The following TBXAS1 variants were observed in gnomAD, a reference collection of about 807,000 sequenced individuals.
The protein encoded by TBXAS1 is thromboxane-A synthase.
TBXAS1 carries 48 observed loss-of-function variants against 60.7 expected under a neutral mutation model. That is an observed-to-expected ratio of 0.79 (90% confidence interval 0.63 to 1.01). TBXAS1 has a LOEUF of 1.01. TBXAS1 is among the 50% of genes least tolerant of loss of function. TBXAS1 has a pLI of 0.00. For missense variants in TBXAS1, 685 were observed against 686.3 expected (o/e 1.00, Z 0.02); for synonymous variants, 287 against 269.7 (o/e 1.06, Z -0.63).
At chr7:139,982,786 G>A (rs1166595349) in intron 9 of TBXAS1, among the ~76,000 whole-genome samples, 1 of 152,152 alleles carries the variant, frequency 6.6e-6, no homozygotes, top group African/African-American at 2.4e-5. Flanking sequence ...CACAGTTCAG[G>A]AAAATGAACG....
At chr7:139,955,674 G>A in intron 7 of TBXAS1, 67 bp downstream of exon 7, 1 of 1,605,428 alleles carries the variant, frequency 6.2e-7, no homozygotes, top group Non-Finnish European at 8.5e-7. Context: ...CATGACACCT[G>A]GGGTGGCTTC....
intron 3 of TBXAS1, among the ~76,000 whole-genome samples, chr7:139,888,503 G>A (rs1192559451): frequency 6.6e-6 from 1 of 151,848 alleles, no homozygotes; most frequent in East Asian, 1.9e-4. Context: ...TTTCCTCTGG[G>A]TTTTTTTCCC....
intron 3 of TBXAS1, among the ~76,000 whole-genome samples, chr7:139,907,245 G>C (rs1300757404): frequency 1.3e-5 from 2 of 152,086 alleles, no homozygotes; most frequent in Admixed American, 1.3e-4. Flanking sequence ...ACAAGTGCTG[G>C]ATTTTGTCAA....
At chr7:139,914,333 G>A (rs985317668) in intron 4 of TBXAS1, among the ~76,000 whole-genome samples, 6 of 151,976 alleles carry the variant, frequency 3.9e-5, no homozygotes, top group Admixed American at 3.9e-4. Context: ...CACTGTACCT[G>A]GCCACATTTC....
chr7:139,844,875 C>T (rs7810415), intron 1 of TBXAS1, among the ~76,000 whole-genome samples: 82,270 of 151,868 alleles, frequency 0.54, 22,850 homozygotes, highest in East Asian at 0.89. Flanking sequence ...GACAGACACA[C>T]CTCTTTCCCT....
At chr7:139,950,020 G>C (rs1809071996) in intron 5 of TBXAS1, among the ~76,000 whole-genome samples, 1 of 149,410 alleles carries the variant, frequency 6.7e-6, no homozygotes, top group Non-Finnish European at 1.5e-5. Context: ...GAATAGCCCA[G>C]TGTTGCAGGT....
chr7:139,857,735 T>C (rs1800680506), intron 1 of TBXAS1, among the ~76,000 whole-genome samples: 2 of 151,608 alleles, frequency 1.3e-5, no homozygotes, highest in South Asian at 4.2e-4. Flanking sequence ...CTTAATTTTT[T>C]TTTTTTTTTT....
chr7:139,984,386 C>A (rs1181393534), intron 9 of TBXAS1, among the ~76,000 whole-genome samples: 1 of 151,960 alleles, frequency 6.6e-6, no homozygotes, highest in Non-Finnish European at 1.5e-5. Context: ...TTCCACATGT[C>A]CCTCCTTGAC....
chr7:139,912,585 C>T (rs1311387339), intron 4 of TBXAS1, among the ~76,000 whole-genome samples: 1 of 152,102 alleles, frequency 6.6e-6, no homozygotes, highest in Non-Finnish European at 1.5e-5. Flanking sequence ...CAGTGTCCCT[C>T]GAGGAACTCT....
chr7:139,863,673 CAT>C (rs1361968791), intron 1 of TBXAS1, among the ~76,000 whole-genome samples: 4 of 152,134 alleles, frequency 2.6e-5, no homozygotes, highest in Admixed American at 1.3e-4. Context: ...TCATTGAAAA[CAT>C]GTGAACTAAA....
At chr7:139,859,469 G>A (rs1311778447) in intron 1 of TBXAS1, among the ~76,000 whole-genome samples, 3 of 151,814 alleles carry the variant, frequency 2.0e-5, no homozygotes, top group African/African-American at 7.3e-5. Context: ...GCCTCCTAAA[G>A]TGCTGGGATT....
chr7:139,829,552 G>A (rs901586330), intron 1 of TBXAS1, 73 bp downstream of exon 1: 18 of 1,379,472 alleles, frequency 1.3e-5, no homozygotes, highest in East Asian at 2.4e-5. Context: ...GTGCCATGGC[G>A]GGGTATGTGG....
chr7:139,821,612 G>C (rs1585554839), intron 4 of TBXAS1, among the ~76,000 whole-genome samples: 1 of 152,242 alleles, frequency 6.6e-6, no homozygotes, highest in East Asian at 1.9e-4. Context: ...GAAACACACA[G>C]ATGGCTGCTG....
intron 4 of TBXAS1, among the ~76,000 whole-genome samples, chr7:139,933,841 G>T (rs888279295): frequency 1.4e-5 from 2 of 138,562 alleles, no homozygotes; most frequent in Admixed American, 1.4e-4. Context: ...TCCCCCAACC[G>T]CCTGTCTCCC....
intron 4 of TBXAS1, among the ~76,000 whole-genome samples, chr7:139,808,954 G>A (rs979056629): frequency 9.0e-5 from 13 of 144,236 alleles, no homozygotes; most frequent in Admixed American, 8.5e-4. Context: ...TTGGCTGCAT[G>A]ATGAAACAGA....
At chr7:139,833,776 T>C (rs1366526589) in intron 1 of TBXAS1, among the ~76,000 whole-genome samples, 1 of 152,060 alleles carries the variant, frequency 6.6e-6, no homozygotes, top group Admixed American at 6.5e-5. Context: ...CTTAAACATA[T>C]ATGCACCTAA....
intron 9 of TBXAS1, among the ~76,000 whole-genome samples, chr7:139,968,727 A>G (rs541037748): frequency 2.1e-4 from 32 of 152,296 alleles, no homozygotes; most frequent in African/African-American, 7.2e-4. Flanking sequence ...TCAGTGTAAA[A>G]TCTTCTTTCT....
intron 6 of TBXAS1, among the ~76,000 whole-genome samples, chr7:139,954,694 A>T (rs1167807552): frequency 6.6e-6 from 1 of 152,256 alleles, no homozygotes; most frequent in Non-Finnish European, 1.5e-5. Context: ...ATAAGATAAC[A>T]AAAAGAATCA....
At chr7:139,817,281 C>A (rs921199206) in intron 4 of TBXAS1, among the ~76,000 whole-genome samples, 1 of 152,058 alleles carries the variant, frequency 6.6e-6, no homozygotes, top group African/African-American at 2.4e-5. Context: ...ACCCTGCTTC[C>A]CATGTGAGCT....
Sources: gnomAD v4.1 joint callset for allele counts (sites outside exome capture counted in the v4.1 genomes callset) on GRCh38, gnomAD v4.1.1 for gene constraint, MANE v1.5 for transcripts, NCBI Gene and HGNC (gene_info 2026-07-23, HGNC 2026-07-21) for gene names.